Variants in GNG10 observed in about 807,000 individuals in gnomAD.
GNG10 encodes the protein G protein subunit gamma 10.
In GNG10, 7 loss-of-function variants were observed where a neutral mutation model predicts 6.8. That is an observed-to-expected ratio of 1.02 (90% CI 0.58 to 1.92). The LOEUF (loss-of-function observed/expected upper bound fraction) is 1.92. GNG10 is among the 30% of genes most tolerant of loss of function. The probability of loss-of-function intolerance (pLI) is 0.00; values close to 1 mark genes in which losing one functional copy is unlikely to be tolerated. For missense variants in GNG10, 57 were observed against 86.1 expected, an observed-to-expected ratio of 0.66 and a Z score of 1.34; for synonymous variants, 28 against 34.8, an observed-to-expected ratio of 0.80 and a Z score of 0.69.
At chr9:111,667,331 G>A (rs1830918672) in intron 2 of GNG10, among the ~76,000 whole-genome samples, 1 of 152,148 alleles carries the variant, frequency 6.6e-6, no homozygotes, top group Non-Finnish European at 1.5e-5. Context: ...CCAGGTTCAA[G>A]CAATTCTCTT....
chr9:111,662,797 A>G (rs1019767541), intron 1 of GNG10, among the ~76,000 whole-genome samples: 32 of 152,326 alleles, frequency 2.1e-4, no homozygotes, highest in African/African-American at 7.5e-4. Flanking sequence ...TGGAATGCAG[A>G]GGTCTGGTGG....
intron 1 of GNG10, 36 bp from the exon 2 acceptor site, chr9:111,666,779 T>TCA: frequency 6.2e-7 from 1 of 1,600,244 alleles, no homozygotes; most frequent in Non-Finnish European, 8.5e-7. Flanking sequence ...GGCTTGGCTG[T>TCA]GAGCAGGGTG....
chr9:111,668,014 G>A (rs1830933665), intron 2 of GNG10, among the ~76,000 whole-genome samples: 1 of 152,064 alleles, frequency 6.6e-6, no homozygotes, highest in Admixed American at 6.5e-5. Flanking sequence ...ATGCCACCAT[G>A]CCCACCTAAT....
At chr9:111,666,328 A>G (rs2131281621) in intron 1 of GNG10, among the ~76,000 whole-genome samples, 1 of 152,304 alleles carries the variant, frequency 6.6e-6, no homozygotes, top group African/African-American at 2.4e-5. Flanking sequence ...GTCTGGTTCC[A>G]GAGGCTATAC....
Position 111,669,337 on chromosome 9 carries a change from A to G in GNG10, c.*75A>G, listed in dbSNP as rs1460638176. The G allele has an allele frequency of 6.6e-6, 1 of 152,208 alleles. No homozygotes were observed. The highest frequency in any genetic ancestry group is 1.5e-5 in the Non-Finnish European group (1 of 68,036). 9.4% of individuals were successfully genotyped at this position (152,208 alleles called of 1,614,324 possible). On this transcript the variant is annotated 3_prime_UTR_variant, in exon 3 of 3. Transcript: ENST00000374293. ...TGAATGACTGCCTTCAAGTCTCAAGAAAACACTTTTCCCTAACTTTTAGAG... is the reference window on the plus strand; with the variant it reads ...TGAATGACTGCCTTCAAGTCTCAAGGAAACACTTTTCCCTAACTTTTAGAG...
At chr9:111,663,886 T>C (rs1338481135) in intron 1 of GNG10, among the ~76,000 whole-genome samples, 2 of 151,716 alleles carry the variant, frequency 1.3e-5, no homozygotes, top group Non-Finnish European at 2.9e-5. Flanking sequence ...AATGGCATGA[T>C]CTCAGCTCAC....
intron 2 of GNG10, 74 bp downstream of exon 2, chr9:111,667,020 G>A (rs2131282237): frequency 6.4e-7 from 1 of 1,559,930 alleles, no homozygotes; most frequent in Non-Finnish European, 8.7e-7. Context: ...TTGAGCAACT[G>A]AGTTTTGAAT....
chr9:111,667,939 C>T (rs1208550065), intron 2 of GNG10, among the ~76,000 whole-genome samples: 2 of 152,152 alleles, frequency 1.3e-5, no homozygotes, highest in Non-Finnish European at 2.9e-5. Flanking sequence ...TCACTGCATC[C>T]TCTGTCTCCT....
At chr9:111,662,187 A>G (rs1470281110) in intron 1 of GNG10, among the ~76,000 whole-genome samples, 1 of 151,896 alleles carries the variant, frequency 6.6e-6, no homozygotes, top group Middle Eastern at 3.2e-3. Flanking sequence ...GAGGAGGGGG[A>G]ACAGGTTTGG....
intron 2 of GNG10, among the ~76,000 whole-genome samples, chr9:111,667,904 TG>T (rs544181274): frequency 1.3e-3 from 193 of 152,314 alleles, no homozygotes; most frequent in Middle Eastern, 6.8e-3. Flanking sequence ...TCACCCAGGC[TG>T]GAGTGCGGTG....
chr9:111,665,404 G>C (rs1200308179), intron 1 of GNG10, among the ~76,000 whole-genome samples: 1 of 152,196 alleles, frequency 6.6e-6, no homozygotes, highest in Non-Finnish European at 1.5e-5. Flanking sequence ...ATTTGAGCTA[G>C]GTTCAGGTGT....
chr9:111,669,541 C>A lies in GNG10; in HGVS notation c.*279C>A, dbSNP rs949367574. 3.3e-4 allele frequency: 50 copies of A among 149,976 alleles called. No homozygotes were observed. The highest frequency in any genetic ancestry group is 1.1e-3 in the African/African-American group (45 of 40,558). 9.3% of individuals were successfully genotyped at this position (149,976 alleles called of 1,614,324 possible). ...AACAAAAACCTTACCACCAAACATA[C>A]CAAAATGCACCTCTTTCATAAGTGA... On this transcript the variant is annotated 3_prime_UTR_variant, in exon 3 of 3. Coordinates refer to ENST00000374293, the MANE Select transcript of GNG10 (RefSeq NM_001017998.4).
chr9:111,663,858 T>C (rs1830860491), intron 1 of GNG10, among the ~76,000 whole-genome samples: 1 of 151,846 alleles, frequency 6.6e-6, no homozygotes. Flanking sequence ...TTCATTCTTG[T>C]TGCCCAGGTT....
chr9:111,665,996 A>G (rs1303437217), intron 1 of GNG10, among the ~76,000 whole-genome samples: 4 of 150,878 alleles, frequency 2.7e-5, no homozygotes, highest in Admixed American at 2.6e-4. Flanking sequence ...TGGGCTCCCA[A>G]AGTGCTGGGA....
At position 111,661,662 on chromosome 9, in the gene GNG10, C is replaced by G. The variant is rs1283774814; in HGVS notation, c.28C>G (p.Leu10Val). 7.2e-7 allele frequency: 1 copy of G among 1,380,272 alleles called. No homozygotes were observed. The highest frequency in any genetic ancestry group is 9.6e-7 in the Non-Finnish European group (1 of 1,047,098). The allele number at this position is 1,380,272 out of a possible 1,614,324, so 85.5% of individuals were successfully genotyped here. A position where few individuals can be genotyped will look rare whatever the true frequency, so the allele number is the denominator to read the frequency against. Residue 10 changes from leucine (L) to valine (V), a missense_variant, in exon 1 of 3, where the codon CTG becomes GTG. Physicochemically the swap from Leu to Val is conservative, Grantham distance 32 (BLOSUM62 1). Coordinates refer to ENST00000374293, the MANE Select transcript of GNG10 (RefSeq NM_001017998.4). This position sits in a 1 kb window ranked among gnomAD's most constrained non-coding sequence, Gnocchi z 6.1. ...GTCCTCCGGGGCTAGCGCGAGCGCC[C>G]TGCAGCGCTTGGTAGAGCAGCTCAA... is the stretch of plus-strand genomic sequence containing the variant. MSSGASASALQRLVEQLKLE... is the reference protein window; with the variant it reads MSSGASASAVQRLVEQLKLE...
At position 111,666,905 on chromosome 9, in the gene GNG10, C is replaced by G; in HGVS notation, c.172C>G (p.Pro58Ala). 1 of 1,613,968 alleles carries G rather than the reference C, an allele frequency of 6.2e-7. No individual in the cohort carries two copies. ...GGTGGGTGTTCCAGCTGGAAGTAAC[C>G]CCTTCCGGGAGCCTAGATCCTGTGC... ...LLVGVPAGSNPFREPRSCALL is the reference protein window; with the variant it reads ...LLVGVPAGSNAFREPRSCALL The change falls in exon 2 of 3, where the codon CCC becomes GCC. Residue 58 changes from proline to alanine, a missense_variant. Coordinates refer to ENST00000374293, the MANE Select transcript of GNG10 (RefSeq NM_001017998.4).
intron 2 of GNG10, among the ~76,000 whole-genome samples, chr9:111,668,019 C>G (rs967725647): frequency 2.6e-5 from 4 of 152,028 alleles, no homozygotes; most frequent in Non-Finnish European, 4.4e-5. Context: ...ACCATGCCCA[C>G]CTAATTTTTT....
chr9:111,661,789 C>G lies in GNG10; in HGVS notation c.81+74C>G, dbSNP rs1165336955. 3.3e-6 allele frequency: 3 copies of G among 909,834 alleles called. No individual in the cohort carries two copies. In the African/African-American group the frequency reaches 5.4e-5, roughly 16 times the overall value. 56.4% of individuals were successfully genotyped at this position (909,834 alleles called of 1,614,324 possible). On this transcript the variant is annotated intron_variant, in intron 1 of 2. Coordinates refer to ENST00000374293, the MANE Select transcript of GNG10 (RefSeq NM_001017998.4). The surrounding 1 kb of genome is among the most constrained non-coding windows in gnomAD (Gnocchi z 6.1). ...GAGAAGAGGAGGCCGGCGGCCCGGA[C>G]CGGGCGCCAGCGGGGGACTCGGTGG... is the stretch of plus-strand genomic sequence containing the variant.
At chr9:111,667,063 C>G in intron 2 of GNG10, 117 bp downstream of exon 2, 1 of 1,462,084 alleles carries the variant, frequency 6.8e-7, no homozygotes, top group East Asian at 2.3e-5. Context: ...AAAACAAGAG[C>G]CAGCAAAATG....
Sources: allele counts gnomAD v4.1 joint callset (sites outside exome capture counted in the v4.1 genomes callset), GRCh38; gene constraint gnomAD v4.1.1; non-coding constraint Gnocchi (gnomAD v3.1); transcripts MANE v1.5; gene names NCBI Gene and HGNC (gene_info 2026-07-23, HGNC 2026-07-21).